Variants in YTHDC1 observed in about 807,000 individuals in gnomAD.
YTHDC1 encodes the protein YTH domain-containing protein 1.
In YTHDC1, 12 loss-of-function variants were observed where a neutral mutation model predicts 107.0. The observed-to-expected ratio is 0.11, with a 90% CI of 0.07 to 0.18. The LOEUF is 0.18. YTHDC1 is among the 10% of genes least tolerant of loss of function. YTHDC1 has a pLI of 1.00. For missense variants in YTHDC1, 635 were observed against 898.8 expected (o/e 0.71, Z 3.75); for synonymous variants, 280 against 289.5 (o/e 0.97, Z 0.33).
chr4:68,316,300 C>G lies in YTHDC1; in HGVS notation c.1959+14G>C, dbSNP rs1439218988. 6.2e-7 allele frequency: 1 copy of G among 1,607,792 alleles called. No homozygotes were observed. Among genetic ancestry groups the G allele is most frequent in the African/African-American group, 1.3e-5 (1 of 74,698 alleles). Reference sequence around the variant, plus strand: ...AAGTAGTTCCCTCACACCTTTGCCTCCTTGTGCACTTACTACTCGTTTATC... The same window carrying G: ...AAGTAGTTCCCTCACACCTTTGCCTGCTTGTGCACTTACTACTCGTTTATC... On this transcript the variant is annotated intron_variant, in intron 16 of 16. Transcript: ENST00000344157.
At chr4:68,323,849 T>C (rs1030917977) in intron 10 of YTHDC1, among the ~76,000 whole-genome samples, 3 of 152,222 alleles carry the variant, frequency 2.0e-5, no homozygotes, top group African/African-American at 7.2e-5. Flanking sequence ...GAAGAATCTG[T>C]TAAACAGTGA....
chr4:68,314,416 T>A, intron 16 of YTHDC1, 93 bp from the exon 17 acceptor site: 1 of 1,075,536 alleles, frequency 9.3e-7, no homozygotes, highest in Non-Finnish European at 1.3e-6. Flanking sequence ...ATAAACAATT[T>A]TAAAATATAA....
At chr4:68,319,828 A>G (rs1290232971) in intron 12 of YTHDC1, among the ~76,000 whole-genome samples, 5 of 152,170 alleles carry the variant, frequency 3.3e-5, no homozygotes, top group Non-Finnish European at 7.4e-5. Flanking sequence ...ATTGCTTTTC[A>G]TAACTACTTT....
chr4:68,327,648 A>G (rs1407500528), intron 9 of YTHDC1, among the ~76,000 whole-genome samples: 1 of 152,202 alleles, frequency 6.6e-6, no homozygotes, highest in Non-Finnish European at 1.5e-5. Flanking sequence ...TCTAATAATT[A>G]TTATATCTGC....
intron 1 of YTHDC1, among the ~76,000 whole-genome samples, chr4:68,346,481 T>C (rs1222467697): frequency 6.6e-6 from 1 of 152,186 alleles, no homozygotes; most frequent in South Asian, 2.1e-4. Flanking sequence ...TCAATCACTG[T>C]CCAAAGATAT....
At chr4:68,339,445 G>A (rs563814674) in intron 1 of YTHDC1, among the ~76,000 whole-genome samples, 1 of 152,194 alleles carries the variant, frequency 6.6e-6, no homozygotes, top group Non-Finnish European at 1.5e-5. Context: ...TCTGAATAAA[G>A]TTTGTAAATC....
intron 6 of YTHDC1, among the ~76,000 whole-genome samples, chr4:68,332,514 T>C (rs1469785517): frequency 6.6e-6 from 1 of 152,004 alleles, no homozygotes; most frequent in South Asian, 2.1e-4. Flanking sequence ...TATACATACA[T>C]ATATATACAC....
At chr4:68,328,031 C>T (rs1165621002) in intron 9 of YTHDC1, among the ~76,000 whole-genome samples, 2 of 152,118 alleles carry the variant, frequency 1.3e-5, no homozygotes, top group Non-Finnish European at 2.9e-5. Context: ...GTCTGTCTAC[C>T]TCTTCGGTTG....
In YTHDC1 at chr4:68,313,915, G is replaced by T; in HGVS notation, c.*184C>A. 1.5e-6 allele frequency: 1 copy of T among 658,652 alleles called. No homozygotes were observed. Among genetic ancestry groups the T allele is most frequent in the Non-Finnish European group, 2.6e-6 (1 of 389,586 alleles). 40.8% of individuals were successfully genotyped at this position (658,652 alleles called of 1,614,324 possible). On this transcript the variant is annotated 3_prime_UTR_variant, in exon 17 of 17. Transcript: ENST00000344157. ...AACTGTCAGCTGTGGATTTTTGGCG[G>T]ATTTGAGTTTTTCCAGTTCTTATGA...
Position 68,322,926 on chromosome 4 carries a change from A to G in YTHDC1, c.1435-11T>C, listed in dbSNP as rs1386878130. Reference sequence around the variant, plus strand: ...TTCAAGTTCAATTTCCTAGAATAGGAAAGTAGCAATTTATAAAACAAAAAC... The same window carrying G: ...TTCAAGTTCAATTTCCTAGAATAGGGAAGTAGCAATTTATAAAACAAAAAC... On this transcript the variant is annotated splice_polypyrimidine_tract_variant and intron_variant, in intron 10 of 16. Coordinates refer to ENST00000344157, the MANE Select transcript of YTHDC1 (RefSeq NM_001031732.4). This position sits in a 1 kb window ranked among gnomAD's most constrained non-coding sequence, Gnocchi z 4.8. 3.1e-6 allele frequency: 5 copies of G among 1,610,346 alleles called. No homozygotes were observed. Among genetic ancestry groups the G allele is most frequent in the Non-Finnish European group, 4.2e-6 (5 of 1,176,980 alleles).
chr4:68,328,422 A>C (rs1723221138), intron 9 of YTHDC1, among the ~76,000 whole-genome samples: 2 of 152,198 alleles, frequency 1.3e-5, no homozygotes, highest in Non-Finnish European at 2.9e-5. Flanking sequence ...CAAAAAAACC[A>C]AGTTTATATT....
rs1462981020 is a variant in YTHDC1 at position 68,322,262 on chromosome 4, A to G, written c.1601+487T>C. Among the ~76,000 whole-genome samples, 1 of 152,182 alleles carries G rather than the reference A, an allele frequency of 6.6e-6. No homozygotes were observed. The highest frequency in any genetic ancestry group is 6.5e-5 in the Admixed American group (1 of 15,288). ...CCTCTTGAATATCAAAATAACTTAA[A>G]ATATTTTATCCTCTAAATGAGGCGT... On this transcript the variant is annotated intron_variant, in intron 11 of 16. Coordinates refer to ENST00000344157, the MANE Select transcript of YTHDC1 (RefSeq NM_001031732.4). This position sits in a 1 kb window ranked among gnomAD's most constrained non-coding sequence, Gnocchi z 4.8.
At position 68,349,881 on chromosome 4, in the gene YTHDC1, T is replaced by C; in HGVS notation, c.-128A>G. On this transcript the variant is annotated 5_prime_UTR_variant, in exon 1 of 17. Transcript: ENST00000344157. ...GTCTGCCCGGATACGCGCGTCGCACTTGGCCTCTTAACACTCAGCCTTCTC... is the reference window on the plus strand; with the variant it reads ...GTCTGCCCGGATACGCGCGTCGCACCTGGCCTCTTAACACTCAGCCTTCTC... 3.0e-6 allele frequency: 4 copies of C among 1,335,608 alleles called. No individual in the cohort carries two copies. Among genetic ancestry groups the C allele is most frequent in the Non-Finnish European group, 4.2e-6 (4 of 948,038 alleles). The allele number at this position is 1,335,608 out of a possible 1,614,324, so 82.7% of individuals were successfully genotyped here. A position where few individuals can be genotyped will look rare whatever the true frequency, so the allele number is the denominator to read the frequency against.
chr4:68,334,220 G>C (rs545687351), intron 4 of YTHDC1, among the ~76,000 whole-genome samples: 15 of 152,032 alleles, frequency 9.9e-5, no homozygotes, highest in Non-Finnish European at 2.2e-4. Context: ...TTACTTTTCA[G>C]CTTAGAGATA....
Position 68,313,931 on chromosome 4 carries a change from GTTC to G in YTHDC1, c.*165_*167del, listed in dbSNP as rs902875179. On this transcript the variant is annotated 3_prime_UTR_variant, in exon 17 of 17. Transcript: ENST00000344157. ...TTTTTGGCGGATTTGAGTTTTTCCA[GTTC>G]TTATGATACTGCATGCTTGGAACAA... is the stretch of plus-strand genomic sequence containing the variant. The G allele has an allele frequency of 4.0e-6, 3 of 743,964 alleles. No individual in the cohort carries two copies. The African/African-American group carries it at 5.3e-5, about 13-fold the overall frequency. The allele number at this position is 743,964 out of a possible 1,614,324, so 46.1% of individuals were successfully genotyped here.
intron 4 of YTHDC1, 97 bp downstream of exon 4, chr4:68,336,930 C>A: frequency 7.0e-7 from 1 of 1,432,998 alleles, no homozygotes; most frequent in Non-Finnish European, 9.3e-7. Flanking sequence ...CTATTAATAT[C>A]CCCCATCTCC....
intron 1 of YTHDC1, among the ~76,000 whole-genome samples, chr4:68,340,910 C>T (rs1255673858): frequency 1.3e-5 from 2 of 151,974 alleles, no homozygotes; most frequent in Non-Finnish European, 2.9e-5. Flanking sequence ...GCCTGGTTTT[C>T]CTATAAAAAG....
chr4:68,346,099 A>ATATATATATATATATATATATG (rs961023477), intron 1 of YTHDC1, among the ~76,000 whole-genome samples: 2 of 141,478 alleles, frequency 1.4e-5, no homozygotes, highest in African/African-American at 5.4e-5. Context: ...ATATATATAT[A>ATATATATATATATATATATATG]TACACACACA....
chr4:68,331,811 G>C (rs1411912591), intron 7 of YTHDC1, among the ~76,000 whole-genome samples: 1 of 151,478 alleles, frequency 6.6e-6, no homozygotes, highest in East Asian at 1.9e-4. Context: ...CACTGAGGAA[G>C]TACAGAAACA....
Sources: gnomAD v4.1 joint callset for allele counts (sites outside exome capture counted in the v4.1 genomes callset) on GRCh38, gnomAD v4.1.1 for gene constraint, Gnocchi (gnomAD v3.1) non-coding constraint, MANE v1.5 for transcripts, NCBI Gene and HGNC (gene_info 2026-07-23, HGNC 2026-07-21) for gene names.